Variants in PRTG observed in about 807,000 individuals in gnomAD.
The protein encoded by PRTG is immunoglobulin superfamily, DCC subclass, member 5.
In PRTG, 67 loss-of-function variants were observed where a neutral mutation model predicts 122.5. The ratio of observed to expected loss-of-function variants is 0.55; its 90% CI spans 0.45 to 0.67. The LOEUF (loss-of-function observed/expected upper bound fraction) is 0.67. Ranked by LOEUF, PRTG falls within the 30% of genes least tolerant of loss-of-function variation. PRTG has a pLI of 0.00. For missense variants in PRTG, 1,435 were observed against 1,415.4 expected, an observed-to-expected ratio of 1.01 and a Z score of -0.22; for synonymous variants, 554 against 501.1, an observed-to-expected ratio of 1.11 and a Z score of -1.41.
Position 55,613,487 on chromosome 15 carries a change from C to CT in PRTG, c.*6524dup, listed in dbSNP as rs1567068127. The CT allele has an allele frequency of 6.6e-6, 1 of 152,046 alleles. No individual in the cohort carries two copies. The highest frequency in any genetic ancestry group is 2.4e-5 in the African/African-American group (1 of 41,422). 9.4% of individuals were successfully genotyped at this position (152,046 alleles called of 1,614,324 possible). ...TGCCTACCTTATTTGTAATGTAACT[C>CT]TAAGTACAAACAGCCTTCAGACACA... is the stretch of plus-strand genomic sequence containing the variant. On this transcript the variant is annotated 3_prime_UTR_variant, in exon 20 of 20. Coordinates refer to ENST00000389286, the MANE Select transcript of PRTG (RefSeq NM_173814.6).
At chr15:55,629,369 ATATATATGTGTGTGTGTGTGTGTG>A (rs1266354787) in intron 15 of PRTG, among the ~76,000 whole-genome samples, 3 of 34,362 alleles carry the variant, frequency 8.7e-5, no homozygotes, top group African/African-American at 3.0e-4. Context: ...GTATATATAT[ATATATATGTGTGTGTGTGTGTGTG>A]TGTGTGTGTG....
At chr15:55,622,219 T>C (rs1407589287) in intron 18 of PRTG, among the ~76,000 whole-genome samples, 1 of 147,746 alleles carries the variant, frequency 6.8e-6, no homozygotes, top group African/African-American at 2.5e-5. Flanking sequence ...AGTACTTGTT[T>C]TTTTTTTTTT....
intron 3 of PRTG, 26 bp from the exon 4 acceptor site, chr15:55,682,523 C>A: frequency 8.0e-7 from 1 of 1,242,448 alleles, no homozygotes; most frequent in Non-Finnish European, 1.1e-6. Flanking sequence ...GATAATTAAA[C>A]TTTTTGTAGT....
intron 2 of PRTG, among the ~76,000 whole-genome samples, chr15:55,706,256 T>C (rs1438011187): frequency 6.6e-6 from 1 of 151,802 alleles, no homozygotes; most frequent in Non-Finnish European, 1.5e-5. Context: ...CTACAACAAC[T>C]ACTGGCCATC....
chr15:55,632,746 A>G (rs946659888), intron 15 of PRTG, among the ~76,000 whole-genome samples: 4 of 152,086 alleles, frequency 2.6e-5, no homozygotes, highest in South Asian at 4.1e-4. Flanking sequence ...TCTTTTCCCT[A>G]TTGTAACTGT....
intron 2 of PRTG, among the ~76,000 whole-genome samples, chr15:55,726,004 C>T (rs1029264183): frequency 7.9e-5 from 12 of 151,904 alleles, no homozygotes; most frequent in Non-Finnish European, 1.3e-4. Flanking sequence ...AGTGCAGTGG[C>T]GTGATCTCGG....
In PRTG at chr15:55,738,372, A is replaced by G. The variant is rs77555052; in HGVS notation, c.397+2010T>C. 1.3e-3 allele frequency: 790 copies of G among 630,408 alleles called. 9 individuals carry two copies. The East Asian group carries it at 0.019, about 15-fold the overall frequency. 39.1% of individuals were successfully genotyped at this position (630,408 alleles called of 1,614,324 possible). On this transcript the variant is annotated intron_variant, in intron 2 of 19. Coordinates refer to ENST00000389286, the MANE Select transcript of PRTG (RefSeq NM_173814.6). ...AGTTAGAAAGCTCTGTGTTTTTCCA[A>G]AAGTGTTTCTGGAAGCCCTAGGATT... is the stretch of plus-strand genomic sequence containing the variant.
intron 19 of PRTG, 26 bp from the exon 20 acceptor site, chr15:55,620,292 A>G (rs1464832556): frequency 1.9e-6 from 3 of 1,611,410 alleles, no homozygotes; most frequent in Non-Finnish European, 2.5e-6. Flanking sequence ...TAAGATGGCA[A>G]TGAGATACCA....
chr15:55,629,373 A>ATGTGTGTGTGTGTGTGTGTGTGTGTGTG (rs1491345628), intron 15 of PRTG, among the ~76,000 whole-genome samples: 1 of 54,364 alleles, frequency 1.8e-5, no homozygotes, highest in Non-Finnish European at 3.3e-5. Flanking sequence ...ATATATATAT[A>ATGTGTGTGTGTGTGTGTGTGTGTGTGTG]TATGTGTGTG....
At chr15:55,634,947 GCCATGTAGCTTACTCTGC>G (rs571698734) in intron 15 of PRTG, among the ~76,000 whole-genome samples, 14 of 152,298 alleles carry the variant, frequency 9.2e-5, no homozygotes, top group African/African-American at 3.4e-4. Context: ...TTCAGACTTG[GCCATGTAGCTTACTCTGC>G]CCAATCAGAC....
intron 14 of PRTG, among the ~76,000 whole-genome samples, chr15:55,637,845 A>G (rs2059266484): frequency 6.6e-6 from 1 of 152,206 alleles, no homozygotes. Context: ...TGTGAAAAAC[A>G]GTAAAATCTT....
rs1484195094 is a variant in PRTG, at chr15:55,743,139, G to C, written c.-208C>G. ...GAGAAGCAAGGGGCCTGAGAGTCCG[G>C]CTGGGGGCGGAGTGAGGCGGCGGCT... On this transcript the variant is annotated 5_prime_UTR_variant, in exon 1 of 20. Coordinates refer to ENST00000389286, the MANE Select transcript of PRTG (RefSeq NM_173814.6). 1.6e-6 allele frequency: 2 copies of C among 1,249,826 alleles called. No homozygotes were observed. The highest frequency in any genetic ancestry group is 3.4e-5 in the East Asian group (1 of 29,632). The allele number at this position is 1,249,826 out of a possible 1,614,324, so 77.4% of individuals were successfully genotyped here.
rs756752530 is a variant in PRTG at position 55,620,651 on chromosome 15, T to C, written c.3198+12A>G. 6.4e-7 allele frequency: 1 copy of C among 1,574,328 alleles called. No individual in the cohort carries two copies. Among genetic ancestry groups the C allele is most frequent in the Admixed American group, 2.2e-5 (1 of 46,294 alleles). On this transcript the variant is annotated intron_variant, in intron 19 of 19. Coordinates refer to ENST00000389286, the MANE Select transcript of PRTG (RefSeq NM_173814.6). ...CGCATTGCCAAAAATTTTTCTCATT[T>C]AGATAGGTTACCTGCTCAACTTGTA...
chr15:55,622,781 C>A (rs1450185514), intron 18 of PRTG, among the ~76,000 whole-genome samples: 1 of 151,900 alleles, frequency 6.6e-6, no homozygotes, highest in African/African-American at 2.4e-5. Flanking sequence ...GGTGATACAC[C>A]CACCTTGGCC....
intron 2 of PRTG, among the ~76,000 whole-genome samples, chr15:55,692,577 T>C (rs1402061948): frequency 6.6e-6 from 1 of 152,146 alleles, no homozygotes; most frequent in African/African-American, 2.4e-5. Flanking sequence ...ACACTGGACA[T>C]GTTAAGGCAA....
intron 8 of PRTG, among the ~76,000 whole-genome samples, chr15:55,677,219 G>T (rs1047764890): frequency 1.3e-5 from 2 of 152,078 alleles, no homozygotes; most frequent in Non-Finnish European, 2.9e-5. Flanking sequence ...AAAATTGGAA[G>T]ACACATTTGA....
At position 55,682,429 on chromosome 15, in the gene PRTG, C is replaced by T. The variant is rs775261213; in HGVS notation, c.611G>A (p.Arg204His). The T allele has an allele frequency of 5.0e-6, 8 of 1,605,094 alleles. No homozygotes were observed. Among genetic ancestry groups the T allele is most frequent in the South Asian group, 2.2e-5 (2 of 90,090 alleles). The change falls in exon 4 of 20, where the codon CGT (arginine) becomes CAT (histidine). Residue 204 changes from arginine to histidine, a missense_variant. Arg to His is a conservative substitution (Grantham distance 29, BLOSUM62 0). Coordinates refer to ENST00000389286, the MANE Select transcript of PRTG (RefSeq NM_173814.6). ...DVSQRDSGNY[R>H]CIAATVAHRR... is the part of the protein sequence containing the mutation. ...GTGGGCTACAGTGGCAGCAATACAACGATAATTTCCAGAATCCCTTTGGCT... is the reference window on the plus strand; with the variant it reads ...GTGGGCTACAGTGGCAGCAATACAATGATAATTTCCAGAATCCCTTTGGCT...
intron 2 of PRTG, among the ~76,000 whole-genome samples, chr15:55,710,696 A>G (rs2030345446): frequency 6.6e-6 from 1 of 150,796 alleles, no homozygotes; most frequent in Admixed American, 6.6e-5. Context: ...TTCTCTATAA[A>G]CTAAACAGTT....
intron 3 of PRTG, among the ~76,000 whole-genome samples, chr15:55,683,167 A>C (rs1008739708): frequency 3.9e-5 from 6 of 152,000 alleles, no homozygotes; most frequent in Non-Finnish European, 7.4e-5. Flanking sequence ...TATATTGTCC[A>C]AGACATATGT....
Sources: allele counts gnomAD v4.1 joint callset (sites outside exome capture counted in the v4.1 genomes callset), GRCh38; gene constraint gnomAD v4.1.1; transcripts MANE v1.5; gene names NCBI Gene and HGNC (gene_info 2026-07-23, HGNC 2026-07-21).